The following DNAH12 variants were observed in gnomAD, a reference collection of about 807,000 sequenced individuals.
DNAH12 encodes the protein dynein axonemal heavy chain 12.
A neutral mutation model predicts 371.5 loss-of-function variants in DNAH12; 285 were observed. The ratio of observed to expected loss-of-function variants is 0.77; its 90% confidence interval spans 0.70 to 0.85. The LOEUF (loss-of-function observed/expected upper bound fraction) is 0.85. Ranked by LOEUF, DNAH12 falls within the 40% of genes least tolerant of loss-of-function variation. DNAH12 has a pLI of 0.00. For synonymous variants in DNAH12, 1,200 were observed against 1,213.0 expected (o/e 0.99, Z 0.22); for missense variants, 3,611 against 3,689.4 (o/e 0.98, Z 0.55).
intron 25 of DNAH12, among the ~76,000 whole-genome samples, chr3:57,451,920 C>G (rs934549373): frequency 2.6e-5 from 4 of 152,138 alleles, no homozygotes; most frequent in African/African-American, 9.7e-5. Context: ...ATGCAAGACC[C>G]AGGAAGTATG....
intron 34 of DNAH12, among the ~76,000 whole-genome samples, chr3:57,426,557 A>G (rs537507238): frequency 3.9e-4 from 59 of 152,084 alleles, no homozygotes; most frequent in African/African-American, 1.3e-3. Flanking sequence ...GGCCTGGACC[A>G]GGTGGCTCAT....
In DNAH12 at chr3:57,325,198, T is replaced by A. The variant is rs572528859; in HGVS notation, c.9979-1579A>T. 3.3e-5 allele frequency among the ~76,000 whole-genome samples: 5 copies of A among 152,334 alleles called. No homozygotes were observed. The East Asian group carries it at 9.7e-4, about 29-fold the overall frequency. On this transcript the variant is annotated intron_variant, in intron 62 of 73. Transcript: ENST00000495027. ...CTCTGCAGACTTAAATGTCCCTGTC[T>A]GACAGCTTTGAAGAGAGCAGTGGTT...
chr3:57,499,801 G>A lies in DNAH12; in HGVS notation c.1335+1520C>T, dbSNP rs375874861. ...TGTAGTGAGCCATGATCATGCCACT[G>A]CACTCCAGCCTGGGCAAGAGAGTGA... On this transcript the variant is annotated intron_variant, in intron 11 of 73. Transcript: ENST00000495027. Among the ~76,000 whole-genome samples the A allele has an allele frequency of 2.5e-4, 37 of 147,620 alleles. No individual in the cohort carries two copies. The East Asian group carries it at 6.7e-3, about 27-fold the overall frequency.
At chr3:57,555,365 CTAAA>C in the DNAH12 span, among the ~76,000 whole-genome samples, 3 of 152,146 alleles carry the variant, frequency 2.0e-5, no homozygotes. Flanking sequence ...AATGTAGTAA[CTAAA>C]TAGAGTCTTC....
At chr3:57,338,699 C>T (rs1023704393) in intron 60 of DNAH12, among the ~76,000 whole-genome samples, 8 of 148,558 alleles carry the variant, frequency 5.4e-5, no homozygotes, top group East Asian at 2.0e-4. Flanking sequence ...CGCCTCTGCC[C>T]GGCCGCCCCA....
chr3:57,367,880 G>A (rs2063085835), intron 56 of DNAH12, among the ~76,000 whole-genome samples, 166 bp downstream of exon 56: 2 of 152,316 alleles, frequency 1.3e-5, no homozygotes, highest in East Asian at 3.9e-4. Flanking sequence ...CCTGGCTAAG[G>A]TTCATTCCTG....
intron 70 of DNAH12, among the ~76,000 whole-genome samples, chr3:57,298,303 C>T (rs1173273511): frequency 6.6e-6 from 1 of 152,194 alleles, no homozygotes; most frequent in African/African-American, 2.4e-5. Flanking sequence ...GAAACTCTTG[C>T]TGGGACTTTC....
chr3:57,426,024 C>G (rs1435391320), intron 34 of DNAH12, among the ~76,000 whole-genome samples: 1 of 151,910 alleles, frequency 6.6e-6, no homozygotes, highest in African/African-American at 2.4e-5. Context: ...AGAGATACAC[C>G]AAAGAGGGCT....
chr3:57,537,737 C>T lies in DNAH12; in HGVS notation c.170+4964G>A, dbSNP rs1340317601. 9.5e-5 allele frequency among the ~76,000 whole-genome samples: 14 copies of T among 147,068 alleles called. 1 individual carries two copies. The South Asian group carries it at 1.5e-3, about 16-fold the overall frequency. On this transcript the variant is annotated intron_variant, in intron 2 of 73. Coordinates refer to ENST00000495027, the MANE Select transcript of DNAH12 (RefSeq NM_001366028.2). The stretch of plus-strand genomic sequence containing the variant: ...GTCTTGCTCTGTCGCCAGGCTGGAG[C>T]GCAGTGGCATGATCTTGGCTCACTG...
At position 57,541,165 on chromosome 3, in the gene DNAH12, G is replaced by C. The variant is rs370316757; in HGVS notation, c.170+1536C>G. Among the ~76,000 whole-genome samples the C allele has an allele frequency of 1.1e-4, 16 of 151,674 alleles. 1 individual carries two copies. The highest frequency in any genetic ancestry group is 6.8e-3 in the Middle Eastern group (2 of 292). The stretch of plus-strand genomic sequence containing the variant: ...AGAGATTCTCCTGCCTCCGCCTCCT[G>C]AGTAGCTGGGATTACAGGCACCTGC... On this transcript the variant is annotated intron_variant, in intron 2 of 73. Coordinates refer to ENST00000495027, the MANE Select transcript of DNAH12 (RefSeq NM_001366028.2).
chr3:57,322,343 C>T lies in DNAH12; in HGVS notation c.10524G>A (p.Leu3508=). The stretch of plus-strand genomic sequence containing the variant: ...AAAAGTTCCAAAAGATGAATATTAC[C>T]AGTTCCTTTCCACGGCATCCCTTGA... ...EFFKGCRGKE[L]AWEKLLFGVC... Residue 3508 remains leucine (L), a splice_region_variant and synonymous_variant, in exon 65 of 74, where the codon CTG becomes CTA. Transcript: ENST00000495027. 1 of 1,549,262 alleles carries T rather than the reference C, an allele frequency of 6.5e-7. No individual in the cohort carries two copies. The highest frequency in any genetic ancestry group is 8.7e-7 in the Non-Finnish European group (1 of 1,145,992).
intron 13 of DNAH12, among the ~76,000 whole-genome samples, chr3:57,476,769 TAAAC>T (rs1248524720): frequency 6.6e-6 from 1 of 152,166 alleles, no homozygotes; most frequent in Non-Finnish European, 1.5e-5. Flanking sequence ...AAAAGTTTCT[TAAAC>T]AAAGAATAAG....
In DNAH12 at chr3:57,309,220, C is replaced by T. The variant is rs932713396; in HGVS notation, c.11120G>A (p.Arg3707Gln). ...TTCTTCATATCTCACAGGATACTTC[C>T]GTAGTGCCATTTCAATGTCGAAATC... is the stretch of plus-strand genomic sequence containing the variant. ...PSDFDIEMAL[R>Q]KYPVRYEESM... Residue 3707 changes from arginine to glutamine, a missense_variant, in exon 69 of 74, where the codon CGG becomes CAG. Arg to Gln is a conservative substitution (Grantham distance 43, BLOSUM62 1). Around this residue, in one of 3 missense-constraint regions of DNAH12, gnomAD observed 2,266 missense variants for 2,236.9 expected, o/e 1.01. Coordinates refer to ENST00000495027, the MANE Select transcript of DNAH12 (RefSeq NM_001366028.2). 13 of 1,549,648 alleles carry T rather than the reference C, an allele frequency of 8.4e-6. No individual in the cohort carries two copies. Among genetic ancestry groups the T allele is most frequent in the Admixed American group, 4.0e-5 (2 of 50,544 alleles).
chr3:57,313,677 T>C (rs1044805383), intron 66 of DNAH12, among the ~76,000 whole-genome samples: 1 of 152,076 alleles, frequency 6.6e-6, no homozygotes, highest in Non-Finnish European at 1.5e-5. Context: ...CATGGTGGCA[T>C]GTGCCTGTAG....
chr3:57,299,537 A>C (rs556125868), intron 70 of DNAH12, among the ~76,000 whole-genome samples: 8 of 152,188 alleles, frequency 5.3e-5, no homozygotes, highest in South Asian at 2.1e-4. Flanking sequence ...GAGAATGTGA[A>C]GATGCTATGG....
At position 57,422,068 on chromosome 3, in the gene DNAH12, G is replaced by A. The variant is rs375087432; in HGVS notation, c.5374-362C>T. ...ACTACCAGGGTACACCACAAAGCCT[G>A]ACTAATTTTTTGTTTTTGCTTTTTA... On this transcript the variant is annotated intron_variant, in intron 35 of 73. Coordinates refer to ENST00000495027, the MANE Select transcript of DNAH12 (RefSeq NM_001366028.2). Among the ~76,000 whole-genome samples the A allele has an allele frequency of 3.3e-5, 5 of 151,072 alleles. No homozygotes were observed. In the East Asian group the frequency reaches 7.8e-4, roughly 24 times the overall value.
intron 42 of DNAH12, 60 bp from the exon 43 acceptor site, chr3:57,403,561 ATGTAACTATTGTTTCACT>A: frequency 7.1e-7 from 1 of 1,418,114 alleles, no homozygotes; most frequent in Non-Finnish European, 9.5e-7. Context: ...GTATAGTTAC[ATGTAACTATTGTTTCACT>A]TTCCTAGAAG....
intron 17 of DNAH12, among the ~76,000 whole-genome samples, chr3:57,466,846 A>G (rs533897787): frequency 1.3e-4 from 20 of 152,232 alleles, no homozygotes; most frequent in African/African-American, 4.8e-4. Flanking sequence ...CCTCGGCTTA[A>G]GTGATCCTCC....
chr3:57,381,237 GT>G (rs2063383709), intron 50 of DNAH12, among the ~76,000 whole-genome samples: 3 of 13,290 alleles, frequency 2.3e-4, no homozygotes, highest in Non-Finnish European at 7.0e-4. Context: ...TGATAGGGAG[GT>G]GTGTGTGTGT....
Sources: allele counts gnomAD v4.1 joint callset (sites outside exome capture counted in the v4.1 genomes callset), GRCh38; gene constraint gnomAD v4.1.1; regional missense constraint gnomAD v4.1.1; transcripts MANE v1.5; gene names NCBI Gene and HGNC (gene_info 2026-07-23, HGNC 2026-07-21).